Variants in LCN6 observed in about 807,000 individuals in gnomAD.
LCN6 encodes epididymal-specific lipocalin-6.
Under a neutral mutation model 21.4 loss-of-function variants are expected in LCN6, and 20 were observed. The ratio of observed to expected loss-of-function variants is 0.93; its 90% CI spans 0.66 to 1.36. The LOEUF (loss-of-function observed/expected upper bound fraction) is 1.36. Ranked by LOEUF, LCN6 falls within the 40% of genes most tolerant of loss-of-function variation. LCN6 has a pLI of 0.00. For missense variants in LCN6, 217 were observed against 206.6 expected, an observed-to-expected ratio of 1.05 and a Z score of -0.31; for synonymous variants, 96 against 89.0, an observed-to-expected ratio of 1.08 and a Z score of -0.44.
At chr9:136,745,964 C>T (rs200813574) in intron 2 of LCN6, 50 bp from the exon 3 acceptor site, 5 of 1,546,540 alleles carry the variant, frequency 3.2e-6, no homozygotes, top group Middle Eastern at 1.7e-4. Context: ...CCCCGGGGCC[C>T]GGTGAGAGGA....
chr9:136,744,497 C>T lies in LCN6; in HGVS notation c.*23-133G>A, dbSNP rs570226033. On this transcript the variant is annotated intron_variant, in intron 5 of 6. Coordinates refer to ENST00000341206, the MANE Select transcript of LCN6 (RefSeq NM_198946.3). This position sits in a 1 kb window ranked among gnomAD's most constrained non-coding sequence, Gnocchi z 4.2. ...CTTTGGGCAGGGGCAGGTGAAGACC[C>T]CCTCAGCCTGCCTGACTCCTTCAGG... 1.8e-5 allele frequency: 10 copies of T among 569,588 alleles called. No individual in the cohort carries two copies. Among genetic ancestry groups the T allele is most frequent in the African/African-American group, 1.7e-4 (9 of 53,856 alleles). The allele number at this position is 569,588 out of a possible 1,614,324, so 35.3% of individuals were successfully genotyped here. A position where few individuals can be genotyped will look rare whatever the true frequency, so the allele number is the denominator to read the frequency against.
In LCN6 at chr9:136,744,663, T is replaced by G. The variant is rs1462243641; in HGVS notation, c.491A>C (p.Ter164SerextTer17). The G allele has an allele frequency of 6.2e-7, 1 of 1,606,476 alleles. No individual in the cohort carries two copies. Among genetic ancestry groups the G allele is most frequent in the African/African-American group, 1.3e-5 (1 of 74,916 alleles). The part of the protein sequence containing the change: ...WSRSLGFLSQ[*>S] ...ACGGTCCTTCTGCAGCTGGGCCTGC[T>G]ACTGTGACAGGAAGCCCAGGCTCCT... Residue 164 changes from the stop codon to serine, a stop_lost, in exon 5 of 7, where the codon TAG becomes TCG. Coordinates refer to ENST00000341206, the MANE Select transcript of LCN6 (RefSeq NM_198946.3). The surrounding 1 kb of genome is among the most constrained non-coding windows in gnomAD (Gnocchi z 4.2).
chr9:136,747,994 C>G (rs923731711), intron 1 of LCN6, among the ~76,000 whole-genome samples: 8 of 149,688 alleles, frequency 5.3e-5, no homozygotes, highest in African/African-American at 2.0e-4. Context: ...CTCCAGCTCT[C>G]CAGCCCTCCA....
chr9:136,746,412 G>A (rs1449017601), intron 2 of LCN6, among the ~76,000 whole-genome samples: 4 of 150,890 alleles, frequency 2.7e-5, no homozygotes, highest in South Asian at 2.1e-4. Context: ...GTTTGCCTGC[G>A]ACTCGGGGGA....
In LCN6 at chr9:136,745,861, C is replaced by T; in HGVS notation, c.284G>A (p.Trp95Ter). 6.2e-7 allele frequency: 1 copy of T among 1,613,730 alleles called. No individual in the cohort carries two copies. The highest frequency in any genetic ancestry group is 8.5e-7 in the Non-Finnish European group (1 of 1,179,814). The change falls in exon 3 of 7, where the codon TGG becomes TAG. Residue 95 changes from tryptophan to a stop codon, truncating the protein, a stop_gained. Coordinates refer to ENST00000341206, the MANE Select transcript of LCN6 (RefSeq NM_198946.3). LOFTEE classifies it high-confidence loss of function. ...AGACTCACAGGGATTCTCAAACACC[C>T]ATCCGGAGTTTCGCTTTATCAGGTC... ...VMDLIKRNSG[W>*]VFENPSIGVL...
Position 136,744,235 on chromosome 9 carries a change from C to T in LCN6, c.*49-93G>A, listed in dbSNP as rs576485463. 8 of 166,386 alleles carry T rather than the reference C, an allele frequency of 4.8e-5. No individual in the cohort carries two copies. The highest frequency in any genetic ancestry group is 1.7e-4 in the South Asian group (1 of 5,786). The allele number at this position is 166,386 out of a possible 1,614,324, so 10.3% of individuals were successfully genotyped here. On this transcript the variant is annotated intron_variant, in intron 6 of 6. Transcript: ENST00000341206. This position sits in a 1 kb window ranked among gnomAD's most constrained non-coding sequence, Gnocchi z 4.2. ...TTAGAGACAGTGGAGCCATGAACCC[C>T]GTGGGCTTGGGCAGAGGGTCCTCCC...
chr9:136,747,233 G>C (rs1001016722), intron 2 of LCN6, among the ~76,000 whole-genome samples, 191 bp downstream of exon 2: 4 of 152,200 alleles, frequency 2.6e-5, no homozygotes, highest in African/African-American at 9.6e-5. Flanking sequence ...AGGCCCCAGG[G>C]ACACAGATGT....
At chr9:136,745,327 C>T (rs369041237) in intron 3 of LCN6, 47 bp from the exon 4 acceptor site, 8 of 1,313,058 alleles carry the variant, frequency 6.1e-6, no homozygotes, top group Non-Finnish European at 8.8e-6. Flanking sequence ...CTGCTGTATC[C>T]ATCCAGGGGC....
At chr9:136,746,138 C>T (rs998943718) in intron 2 of LCN6, 24 of 560,382 alleles carry the variant, frequency 4.3e-5, no homozygotes, top group Non-Finnish European at 7.4e-5. Flanking sequence ...ATCCTCAGTG[C>T]CAGATCTCCA....
chr9:136,745,290 A>G lies in LCN6; in HGVS notation c.302-10T>C. The G allele has an allele frequency of 1.3e-6, 2 of 1,592,860 alleles. No homozygotes were observed. The highest frequency in any genetic ancestry group is 1.7e-6 in the Non-Finnish European group (2 of 1,161,320). ...TCCAGCACGCCTATTGCTAGGAAAC[A>G]AAACCCCCCGCCTCAGGGGAGGGCA... On this transcript the variant is annotated splice_polypyrimidine_tract_variant and intron_variant, in intron 3 of 6. Transcript: ENST00000341206.
chr9:136,744,798 G>T lies in LCN6; in HGVS notation c.413-57C>A. On this transcript the variant is annotated intron_variant, in intron 4 of 6. Transcript: ENST00000341206. This position sits in a 1 kb window ranked among gnomAD's most constrained non-coding sequence, Gnocchi z 4.2. ...AACCTCTGAGAGCTGGGGAGGGGCC[G>T]GGGAGGGGCTGGGAAGGGTCAGGAA... 2.4e-6 allele frequency: 3 copies of T among 1,272,292 alleles called. No individual in the cohort carries two copies. The highest frequency in any genetic ancestry group is 3.8e-5 in the Admixed American group (2 of 52,516). The allele number at this position is 1,272,292 out of a possible 1,614,324, so 78.8% of individuals were successfully genotyped here.
In LCN6 at chr9:136,744,543, C is replaced by T. The variant is rs770491786; in HGVS notation, c.*22+97G>A. ...TCAGGGCGACTGAGTCAGGCAGAAG[C>T]CAGAATCAACCCCAGGGTCTCTGTC... On this transcript the variant is annotated intron_variant, in intron 5 of 6. Coordinates refer to ENST00000341206, the MANE Select transcript of LCN6 (RefSeq NM_198946.3). The surrounding 1 kb of genome is among the most constrained non-coding windows in gnomAD (Gnocchi z 4.2). 7 of 759,606 alleles carry T rather than the reference C, an allele frequency of 9.2e-6. No homozygotes were observed. The highest frequency in any genetic ancestry group is 2.3e-5 in the Admixed American group (1 of 43,470). The allele number at this position is 759,606 out of a possible 1,614,324, so 47.1% of individuals were successfully genotyped here.
Position 136,746,078 on chromosome 9 carries a change from C to G in LCN6, c.231-164G>C, listed in dbSNP as rs1032674605. On this transcript the variant is annotated intron_variant, in intron 2 of 6. Transcript: ENST00000341206. The stretch of plus-strand genomic sequence containing the variant: ...CGGAAACCTGTTCTCGGAGAGTGGA[C>G]GGCGTGGGAGTCCTGAGAGGGGCGG... 7.9e-6 allele frequency: 5 copies of G among 635,632 alleles called. No individual in the cohort carries two copies. The Admixed American group carries it at 1.3e-4, about 17-fold the overall frequency. 39.4% of individuals were successfully genotyped at this position (635,632 alleles called of 1,614,324 possible).
intron 3 of LCN6, 126 bp from the exon 4 acceptor site, chr9:136,745,406 C>G: frequency 2.9e-6 from 2 of 681,056 alleles, no homozygotes; most frequent in Admixed American, 4.5e-5. Flanking sequence ...CCCAGGAGAC[C>G]CCTCCAAGCA....
In LCN6 at chr9:136,747,471, C is replaced by T; in HGVS notation, c.183G>A (p.Val61=). Residue 61 remains valine (V), a synonymous_variant, in exon 2 of 7, where the codon GTG becomes GTA. Coordinates refer to ENST00000341206, the MANE Select transcript of LCN6 (RefSeq NM_198946.3). ...KDMKNVVGVV[V]TLTPENNLRT... The stretch of plus-strand genomic sequence containing the variant: ...GCAGGTTGTTTTCTGGAGTGAGGGT[C>T]ACCACCACCCCCACGACGTTCTTCA... 6.2e-7 allele frequency: 1 copy of T among 1,613,684 alleles called. No homozygotes were observed. Among genetic ancestry groups the T allele is most frequent in the Non-Finnish European group, 8.5e-7 (1 of 1,179,870 alleles).
intron 3 of LCN6, chr9:136,745,496 A>G: frequency 3.8e-6 from 2 of 524,464 alleles, no homozygotes; most frequent in Non-Finnish European, 3.4e-6. Flanking sequence ...ACACTGACGG[A>G]CAGACAGACA....
intron 2 of LCN6, among the ~76,000 whole-genome samples, chr9:136,746,637 GCCC>G (rs966760697): frequency 3.2e-4 from 49 of 152,120 alleles, no homozygotes; most frequent in Non-Finnish European, 6.5e-4. Flanking sequence ...GTGCAGTGGG[GCCC>G]CTGCCCATAC....
At position 136,745,844 on chromosome 9, in the gene LCN6, A is replaced by G; in HGVS notation, c.301T>C (p.Ser101Pro). 3.1e-6 allele frequency: 5 copies of G among 1,613,148 alleles called. No individual in the cohort carries two copies. The highest frequency in any genetic ancestry group is 4.2e-6 in the Non-Finnish European group (5 of 1,179,354). ...RNSGWVFENP[S>P]IGVLELWVLA... Reference sequence around the variant, plus strand: ...GTGAGGCCGTGGCCGTCAGACTCACAGGGATTCTCAAACACCCATCCGGAG... The same window carrying G: ...GTGAGGCCGTGGCCGTCAGACTCACGGGGATTCTCAAACACCCATCCGGAG... Residue 101 changes from serine (S) to proline (P), a missense_variant and splice_region_variant, in exon 3 of 7, where the codon TCA (serine) becomes CCA (proline). Ser to Pro is a moderately conservative substitution (Grantham distance 74). Coordinates refer to ENST00000341206, the MANE Select transcript of LCN6 (RefSeq NM_198946.3).
intron 1 of LCN6, 147 bp from the exon 2 acceptor site, chr9:136,747,710 A>AACCCTCCAGCCTCC: frequency 2.1e-6 from 2 of 959,558 alleles, no homozygotes; most frequent in Non-Finnish European, 2.9e-6. Flanking sequence ...TCCAGCCTCC[A>AACCCTCCAGCCTCC]ACCCTCCAGC....
Sources: gnomAD v4.1 joint callset for allele counts (sites outside exome capture counted in the v4.1 genomes callset) on GRCh38, gnomAD v4.1.1 for gene constraint, Gnocchi (gnomAD v3.1) non-coding constraint, MANE v1.5 for transcripts, NCBI Gene and HGNC (gene_info 2026-07-23, HGNC 2026-07-21) for gene names.